The following PDE7B variants were observed in gnomAD, a reference collection of about 807,000 sequenced individuals.
PDE7B encodes 3',5'-cyclic-AMP phosphodiesterase 7B.
A neutral mutation model predicts 56.2 loss-of-function variants in PDE7B; 29 were observed. The ratio of observed to expected loss-of-function variants is 0.52; its 90% CI spans 0.38 to 0.70. The LOEUF (loss-of-function observed/expected upper bound fraction) is 0.70. PDE7B is among the 30% of genes least tolerant of loss of function. PDE7B has a pLI of 0.00. For missense variants in PDE7B, 490 were observed against 565.0 expected (o/e 0.87, Z 1.35); for synonymous variants, 197 against 196.9 (o/e 1.00, Z 0.00).
At chr6:135,865,849 A>C (rs1775249406) in intron 1 of PDE7B, among the ~76,000 whole-genome samples, 1 of 152,208 alleles carries the variant, frequency 6.6e-6, no homozygotes, top group African/African-American at 2.4e-5. Flanking sequence ...AGAAGTCTGC[A>C]GCTATTCATT....
At chr6:136,182,306 A>C (rs183794779) in intron 11 of PDE7B, among the ~76,000 whole-genome samples, 2 of 152,310 alleles carry the variant, frequency 1.3e-5, no homozygotes, top group East Asian at 3.9e-4. Flanking sequence ...ATATAATTTC[A>C]CTTGAATTGA....
intron 1 of PDE7B, among the ~76,000 whole-genome samples, chr6:135,936,540 G>T (rs748490811): frequency 6.6e-6 from 1 of 152,100 alleles, no homozygotes; most frequent in Non-Finnish European, 1.5e-5. Context: ...GTCCAGGGGC[G>T]GCAGCAACAC....
intron 2 of PDE7B, among the ~76,000 whole-genome samples, chr6:136,022,376 T>C (rs1240772056): frequency 2.6e-5 from 4 of 152,186 alleles, no homozygotes; most frequent in East Asian, 1.9e-4. Flanking sequence ...GTGCTTAGTG[T>C]TGGATGCTTA....
intron 2 of PDE7B, among the ~76,000 whole-genome samples, chr6:136,086,443 G>C (rs1777293642): frequency 6.6e-6 from 1 of 151,690 alleles, no homozygotes; most frequent in Non-Finnish European, 1.5e-5. Context: ...ACAGAGGGAG[G>C]GGGGCTCCAA....
intron 1 of PDE7B, among the ~76,000 whole-genome samples, chr6:135,926,084 TTGGG>T (rs1466984442): frequency 6.4e-4 from 7 of 10,978 alleles, no homozygotes; most frequent in African/African-American, 1.8e-3. Flanking sequence ...TTTCTTTTTT[TTGGG>T]GGGGGGGGGG....
At chr6:136,153,971 G>T in intron 6 of PDE7B, 104 bp from the exon 7 acceptor site, 1 of 701,632 alleles carries the variant, frequency 1.4e-6, no homozygotes, top group Non-Finnish European at 2.5e-6. Context: ...TGCACATTTT[G>T]GAGGCACTGA....
At chr6:136,156,161 A>AGGTGTGTGTGTGTG in intron 8 of PDE7B, 1 of 240,242 alleles carries the variant, frequency 4.2e-6, no homozygotes, top group South Asian at 2.8e-5. Flanking sequence ...AGAATGATCC[A>AGGTGTGTGTGTGTG]AGTGTGTGTG....
intron 2 of PDE7B, among the ~76,000 whole-genome samples, chr6:136,104,060 A>G (rs2128217474): frequency 6.6e-6 from 1 of 152,270 alleles, no homozygotes; most frequent in Admixed American, 6.5e-5. Flanking sequence ...GTCCTCAGGG[A>G]GGGTGAGGGG....
chr6:136,004,604 T>C (rs1417973061), intron 2 of PDE7B, among the ~76,000 whole-genome samples: 1 of 151,222 alleles, frequency 6.6e-6, no homozygotes, highest in Non-Finnish European at 1.5e-5. Flanking sequence ...CCATTCACAA[T>C]TGCTTCAAAG....
chr6:136,100,153 A>G (rs1323543818), intron 2 of PDE7B, among the ~76,000 whole-genome samples: 1 of 152,204 alleles, frequency 6.6e-6, no homozygotes, highest in East Asian at 1.9e-4. Flanking sequence ...TAGTACCAGT[A>G]CCATGCCGTT....
chr6:136,104,967 C>G (rs1323785391), intron 2 of PDE7B, among the ~76,000 whole-genome samples: 1 of 152,152 alleles, frequency 6.6e-6, no homozygotes, highest in Non-Finnish European at 1.5e-5. Flanking sequence ...GGTTTGTTTG[C>G]TTGTTTAGGT....
At chr6:135,861,102 T>C (rs60318593) in intron 1 of PDE7B, among the ~76,000 whole-genome samples, 7,069 of 152,006 alleles carry the variant, frequency 0.047, 452 homozygotes, top group African/African-American at 0.15. Flanking sequence ...ATTATCTGAA[T>C]ACACGGTATT....
At chr6:135,918,598 A>G (rs907176893) in intron 1 of PDE7B, among the ~76,000 whole-genome samples, 14 of 151,888 alleles carry the variant, frequency 9.2e-5, no homozygotes, top group African/African-American at 3.4e-4. Context: ...CCCCTCCTGT[A>G]AGATGAAAGT....
At chr6:136,072,555 C>A (rs1777066783) in intron 2 of PDE7B, 1 of 152,146 alleles carries the variant, frequency 6.6e-6, no homozygotes, top group South Asian at 2.1e-4. Context: ...TTACCTTAAT[C>A]AGTTTTAAGA....
chr6:136,144,470 G>A (rs535425887), intron 3 of PDE7B, among the ~76,000 whole-genome samples: 23 of 152,068 alleles, frequency 1.5e-4, no homozygotes, highest in Admixed American at 2.6e-4. Flanking sequence ...AATGTGTTTG[G>A]GGTATTTCTG....
At chr6:135,866,000 A>G (rs1253938084) in intron 1 of PDE7B, among the ~76,000 whole-genome samples, 2 of 152,128 alleles carry the variant, frequency 1.3e-5, no homozygotes, top group Non-Finnish European at 2.9e-5. Flanking sequence ...AAAAATTTTT[A>G]TTACTTTGCT....
rs748707908 is a variant in PDE7B at position 136,151,192 on chromosome 6, T to G, written c.415T>G (p.Phe139Val). The G allele has an allele frequency of 6.2e-7, 1 of 1,611,756 alleles. No homozygotes were observed. Among genetic ancestry groups the G allele is most frequent in the Non-Finnish European group, 8.5e-7 (1 of 1,177,964 alleles). Residue 139 changes from phenylalanine (F) to valine (V), a missense_variant, in exon 6 of 13, where the codon TTC (phenylalanine) becomes GTC (valine). Phe to Val is a conservative substitution (Grantham distance 50, BLOSUM62 -1). Transcript: ENST00000308191. ...CCTGGTAACACTGTTGTGCCACCTC[T>G]TCAATACCCATGGACTCATTCACCA... ...NSLVTLLCHL[F>V]NTHGLIHHFK...
chr6:136,084,655 CTTA>C (rs1041650022), intron 2 of PDE7B, among the ~76,000 whole-genome samples: 1 of 152,124 alleles, frequency 6.6e-6, no homozygotes, highest in African/African-American at 2.4e-5. Context: ...GTATAGTGTT[CTTA>C]TTATAAGTAT....
chr6:135,998,331 G>C (rs545705931), intron 2 of PDE7B, among the ~76,000 whole-genome samples: 1 of 152,158 alleles, frequency 6.6e-6, no homozygotes, highest in African/African-American at 2.4e-5. Flanking sequence ...GTTCGCCTTG[G>C]TTCCTGTCGA....
Sources: allele counts gnomAD v4.1 joint callset (sites outside exome capture counted in the v4.1 genomes callset), GRCh38; gene constraint gnomAD v4.1.1; transcripts MANE v1.5; gene names NCBI Gene and HGNC (gene_info 2026-07-23, HGNC 2026-07-21).